UGT2A3: variants seen among roughly 807,000 people sequenced by gnomAD.
UGT2A3 encodes UDP-glucuronosyltransferase 2A3.
Under a neutral mutation model 44.1 loss-of-function variants are expected in UGT2A3, and 55 were observed. The observed-to-expected ratio is 1.25, with a 90% confidence interval of 1.00 to 1.56. The LOEUF (loss-of-function observed/expected upper bound fraction) is 1.56, where lower values mean the gene tolerates loss of function less well. Among genes scored for constraint, UGT2A3 ranks in the 40% most tolerant of loss-of-function variants. UGT2A3 has a pLI of 0.00. For missense variants in UGT2A3, 733 were observed against 621.6 expected, an observed-to-expected ratio of 1.18 and a Z score of -1.91; for synonymous variants, 243 against 215.1, an observed-to-expected ratio of 1.13 and a Z score of -1.13.
chr4:68,951,107 G>A lies in UGT2A3; in HGVS notation c.654C>T (p.Phe218=), dbSNP rs1317281448. Residue 218 remains phenylalanine (F), a synonymous_variant, in exon 1 of 6, where the codon TTC becomes TTT. Transcript: ENST00000251566. Reference sequence around the variant, plus strand: ...AGTCGTAATCCTGAATCCAGAAGTGGAACAAAACTGAAAGCATTGAATTTT... The same window carrying A: ...AGTCGTAATCCTGAATCCAGAAGTGAAACAAAACTGAAAGCATTGAATTTT... ...RVKNSMLSVL[F]HFWIQDYDYH... The A allele has an allele frequency of 1.9e-6, 3 of 1,610,660 alleles. No individual in the cohort carries two copies. In the Admixed American group the frequency reaches 5.0e-5, roughly 27 times the overall value.
intron 1 of UGT2A3, among the ~76,000 whole-genome samples, chr4:68,947,263 T>G (rs549000671): frequency 6.6e-6 from 1 of 151,786 alleles, no homozygotes; most frequent in Non-Finnish European, 1.5e-5. Flanking sequence ...TTCAACAATG[T>G]TCATAGCATT....
chr4:68,949,335 A>C (rs1228217366), intron 1 of UGT2A3, among the ~76,000 whole-genome samples: 7 of 151,842 alleles, frequency 4.6e-5, no homozygotes, highest in Non-Finnish European at 8.8e-5. Context: ...ACTGTGTCTC[A>C]GGGAATAGGG....
chr4:68,932,847 G>A, intron 2 of UGT2A3, 88 bp from the exon 3 acceptor site: 2 of 1,292,958 alleles, frequency 1.5e-6, no homozygotes, highest in East Asian at 2.4e-5. Context: ...ATAAATACTT[G>A]AGAAATTATT....
intron 2 of UGT2A3, among the ~76,000 whole-genome samples, chr4:68,933,797 T>C (rs968818482): frequency 1.4e-4 from 22 of 152,076 alleles, no homozygotes; most frequent in African/African-American, 5.3e-4. Context: ...CACAGCATTA[T>C]GTTTTCATGG....
intron 3 of UGT2A3, among the ~76,000 whole-genome samples, chr4:68,931,638 C>T (rs187886593): frequency 1.1e-3 from 173 of 152,094 alleles, no homozygotes; most frequent in African/African-American, 3.9e-3. Context: ...TTACAGTTCC[C>T]TGCAGATAAA....
chr4:68,939,947 A>G (rs941985283), intron 2 of UGT2A3, among the ~76,000 whole-genome samples: 1 of 152,216 alleles, frequency 6.6e-6, no homozygotes, highest in Non-Finnish European at 1.5e-5. Context: ...ACATGAAAAA[A>G]TGCTCATCAT....
At chr4:68,945,200 A>T in intron 2 of UGT2A3, 106 bp downstream of exon 2, 1 of 1,343,256 alleles carries the variant, frequency 7.4e-7, no homozygotes, top group Non-Finnish European at 1.0e-6. Context: ...GGAGCTGCAA[A>T]CAGAAGACAT....
At chr4:68,939,307 G>A (rs1055415064) in intron 2 of UGT2A3, among the ~76,000 whole-genome samples, 2 of 152,084 alleles carry the variant, frequency 1.3e-5, no homozygotes, top group African/African-American at 4.8e-5. Context: ...TACATTACAA[G>A]GCTGCAGTAA....
In UGT2A3 at chr4:68,929,721, G is replaced by C. The variant is rs150454944; in HGVS notation, c.*92C>G. 4.1e-3 allele frequency: 4,736 copies of C among 1,165,020 alleles called. 13 individuals are homozygous for C. The highest frequency in any genetic ancestry group is 4.7e-3 in the Non-Finnish European group (3,871 of 819,518). The allele number at this position is 1,165,020 out of a possible 1,614,324, so 72.2% of individuals were successfully genotyped here. A position where few individuals can be genotyped will look rare whatever the true frequency, so the allele number is the denominator to read the frequency against. ...ATAGCTAAGATAAAATAACAGAATAGATAATATGAAAATAGCAAGGTTTTC... is the reference window on the plus strand; with the variant it reads ...ATAGCTAAGATAAAATAACAGAATACATAATATGAAAATAGCAAGGTTTTC... On this transcript the variant is annotated 3_prime_UTR_variant, in exon 6 of 6. Coordinates refer to ENST00000251566, the MANE Select transcript of UGT2A3 (RefSeq NM_024743.4).
At chr4:68,942,662 A>T (rs1447787816) in intron 2 of UGT2A3, among the ~76,000 whole-genome samples, 1 of 151,182 alleles carries the variant, frequency 6.6e-6, no homozygotes, top group Non-Finnish European at 1.5e-5. Flanking sequence ...GAAATAATCC[A>T]GGCAGAGATA....
At chr4:68,933,508 G>C (rs1717818403) in intron 2 of UGT2A3, among the ~76,000 whole-genome samples, 1 of 152,042 alleles carries the variant, frequency 6.6e-6, no homozygotes, top group Admixed American at 6.6e-5. Context: ...AAGAGCAGAA[G>C]CACTAATCAC....
In UGT2A3 at chr4:68,951,098, C is replaced by T. The variant is rs1400934263; in HGVS notation, c.663G>A (p.Trp221Ter). 1 of 1,609,800 alleles carries T rather than the reference C, an allele frequency of 6.2e-7. No individual in the cohort carries two copies. The change falls in exon 1 of 6, where the codon TGG becomes TGA. Residue 221 changes from tryptophan (W) to a stop codon, truncating the protein, a stop_gained. Coordinates refer to ENST00000251566, the MANE Select transcript of UGT2A3 (RefSeq NM_024743.4). LOFTEE classifies it high-confidence loss of function. ...NSMLSVLFHF[W>*]IQDYDYHFWE... is the part of the protein sequence containing the mutation. ...AAAAATGATAGTCGTAATCCTGAAT[C>T]CAGAAGTGGAACAAAACTGAAAGCA...
At chr4:68,938,003 A>G (rs1362175151) in intron 2 of UGT2A3, among the ~76,000 whole-genome samples, 1 of 152,122 alleles carries the variant, frequency 6.6e-6, no homozygotes, top group Non-Finnish European at 1.5e-5. Context: ...TCCCAAGACT[A>G]AATCAAGAAA....
chr4:68,933,264 CA>C (rs1220574309), intron 2 of UGT2A3, among the ~76,000 whole-genome samples: 1 of 151,862 alleles, frequency 6.6e-6, no homozygotes, highest in Non-Finnish European at 1.5e-5. Flanking sequence ...AATCCATGAC[CA>C]GAAAGAAGAA....
At chr4:68,930,153 G>C (rs3749511) in intron 5 of UGT2A3, 61 bp from the exon 6 acceptor site, 1,246,523 of 1,512,640 alleles carry the variant, frequency 0.82, 521,134 homozygotes, top group Non-Finnish European at 0.87. Flanking sequence ...ATAAAAGACA[G>C]GTAGATAAAC....
At chr4:68,943,256 A>C (rs1718263547) in intron 2 of UGT2A3, 1 of 1,084,556 alleles carries the variant, frequency 9.2e-7, no homozygotes. Flanking sequence ...TGTGGGAATA[A>C]AGGGTAGAAT....
chr4:68,931,660 A>G (rs973072470), intron 3 of UGT2A3, among the ~76,000 whole-genome samples: 1 of 151,944 alleles, frequency 6.6e-6, no homozygotes, highest in Non-Finnish European at 1.5e-5. Context: ...ATTTGCTTTC[A>G]ATTATGTGTG....
rs1384788605 is a variant in UGT2A3 at position 68,951,134 on chromosome 4, T to C, written c.627A>G (p.Val209=). 1.2e-6 allele frequency: 2 copies of C among 1,611,720 alleles called. No homozygotes were observed. Among genetic ancestry groups the C allele is most frequent in the Admixed American group, 3.4e-5 (2 of 59,698 alleles). ...LTDRMTFLER[V]KNSMLSVLFH... ...ACAAAACTGAAAGCATTGAATTTTT[T>C]ACTCTTTCCAGAAAGGTCATTCTGT... Residue 209 remains valine, a synonymous_variant, in exon 1 of 6, where the codon GTA becomes GTG. Coordinates refer to ENST00000251566, the MANE Select transcript of UGT2A3 (RefSeq NM_024743.4).
In UGT2A3 at chr4:68,943,817, TCTGTGCAGATATGCCAAAGTGA is replaced by T. The variant is rs750226397; in HGVS notation, c.864+1467_864+1488del. ...CTTGGGCTTGAATCACTGATCAGAT[TCTGTGCAGATATGCCAAAGTGA>T]CTATCTTTCAGTCTCAGAATGCCTC... On this transcript the variant is annotated intron_variant, in intron 2 of 5. Transcript: ENST00000251566. Among the ~76,000 whole-genome samples, 168 of 151,752 alleles carry T rather than the reference TCTGTGCAGATATGCCAAAGTGA, an allele frequency of 1.1e-3. 1 individual carries two copies. Among genetic ancestry groups the T allele is most frequent in the Non-Finnish European group, 7.1e-4 (48 of 67,854 alleles).
Sources: gnomAD v4.1 joint callset for allele counts (sites outside exome capture counted in the v4.1 genomes callset) on GRCh38, gnomAD v4.1.1 for gene constraint, MANE v1.5 for transcripts, NCBI Gene and HGNC (gene_info 2026-07-23, HGNC 2026-07-21) for gene names.